The following NEDD4L variants were observed in gnomAD, a reference collection of about 807,000 sequenced individuals.
The protein encoded by NEDD4L is NEDD4 like E3 ubiquitin protein ligase, also known as E3 ubiquitin-protein ligase NEDD4-like.
A neutral mutation model predicts 148.9 loss-of-function variants in NEDD4L; 54 were observed. That is an observed-to-expected ratio of 0.36 (90% confidence interval 0.29 to 0.45). The LOEUF (loss-of-function observed/expected upper bound fraction) is 0.45, where lower values mean the gene tolerates loss of function less well. Among genes scored for constraint, NEDD4L ranks in the 20% least tolerant of loss-of-function variants. NEDD4L has a pLI of 1.00. For synonymous variants in NEDD4L, 433 were observed against 440.7 expected (o/e 0.98, Z 0.22); for missense variants, 856 against 1,233.8 (o/e 0.69, Z 4.59).
At chr18:58,290,975 C>G (rs1480323177) in intron 5 of NEDD4L, among the ~76,000 whole-genome samples, 1 of 152,170 alleles carries the variant, frequency 6.6e-6, no homozygotes. Flanking sequence ...GGCAGGCATT[C>G]GGATCCACAG....
intron 5 of NEDD4L, among the ~76,000 whole-genome samples, chr18:58,286,714 A>G (rs2053955740): frequency 6.6e-6 from 1 of 152,212 alleles, no homozygotes; most frequent in Non-Finnish European, 1.5e-5. Context: ...TCCATAGCAC[A>G]CAGTAGTGCT....
chr18:58,157,576 A>G (rs1050284847), intron 1 of NEDD4L, among the ~76,000 whole-genome samples: 2 of 152,052 alleles, frequency 1.3e-5, no homozygotes, highest in Non-Finnish European at 2.9e-5. Flanking sequence ...TAAATTTCAT[A>G]CTTACAAATG....
At chr18:58,219,515 T>C (rs2043505970) in intron 2 of NEDD4L, among the ~76,000 whole-genome samples, 1 of 152,198 alleles carries the variant, frequency 6.6e-6, no homozygotes, top group South Asian at 2.1e-4. Flanking sequence ...ACAAATTTGT[T>C]TTCTCAGGGC....
At chr18:58,183,485 C>T (rs1369521360) in intron 2 of NEDD4L, among the ~76,000 whole-genome samples, 2 of 152,220 alleles carry the variant, frequency 1.3e-5, no homozygotes, top group Non-Finnish European at 2.9e-5. Flanking sequence ...ATTAATAGGC[C>T]ATGTCCTCTT....
At chr18:58,386,297 C>T (rs1049230113) in intron 26 of NEDD4L, among the ~76,000 whole-genome samples, 4 of 152,114 alleles carry the variant, frequency 2.6e-5, no homozygotes, top group African/African-American at 7.2e-5. Flanking sequence ...ATGATCCACC[C>T]GCCCCGGCCT....
At chr18:58,210,519 G>A (rs192316200) in intron 2 of NEDD4L, among the ~76,000 whole-genome samples, 3 of 152,102 alleles carry the variant, frequency 2.0e-5, no homozygotes, top group African/African-American at 7.2e-5. Flanking sequence ...TGCGATCTCG[G>A]CTCACTGCAA....
intron 1 of NEDD4L, among the ~76,000 whole-genome samples, chr18:58,117,937 A>G (rs2085962865): frequency 1.3e-5 from 2 of 152,140 alleles, no homozygotes; most frequent in South Asian, 4.1e-4. Context: ...GCTCTGCTTT[A>G]TTCAGGCATT....
At position 58,373,255 on chromosome 18, in the gene NEDD4L, G is replaced by T; in HGVS notation, c.2338G>T (p.Glu780Ter). Reference sequence around the variant, plus strand: ...GGACCTCATGTTCTGCATAGACGAAGAAAACTTTGGACAGGTACATGTGGG... The same window carrying T: ...GGACCTCATGTTCTGCATAGACGAATAAAACTTTGGACAGGTACATGTGGG... ...ELDLMFCIDE[E>*]NFGQTYQVDL... Residue 780 changes from glutamate (E) to a stop codon, truncating the protein, a stop_gained, in exon 24 of 31, where the codon GAA (glutamate) becomes TAA (stop). Coordinates refer to ENST00000400345, the MANE Select transcript of NEDD4L (RefSeq NM_001144967.3). LOFTEE classifies it high-confidence loss of function. 1 of 1,574,822 alleles carries T rather than the reference G, an allele frequency of 6.3e-7. No individual in the cohort carries two copies. Among genetic ancestry groups the T allele is most frequent in the Non-Finnish European group, 8.6e-7 (1 of 1,156,322 alleles).
In NEDD4L at chr18:58,343,103, G is replaced by T; in HGVS notation, c.1575G>T (p.Trp525Cys). 1 of 1,587,334 alleles carries T rather than the reference G, an allele frequency of 6.3e-7. No homozygotes were observed. Among genetic ancestry groups the T allele is most frequent in the Non-Finnish European group, 8.6e-7 (1 of 1,165,712 alleles). ...FIDHNTKTTT[W>C]EDPRLKFPVH... ...ATCATAACACAAAGACTACAACCTG[G>T]GTAAGGCTGCTGCTTTTATTTGGCT... The change falls in exon 16 of 31, where the codon TGG becomes TGT. Residue 525 changes from tryptophan (W) to cysteine (C), a missense_variant and splice_region_variant. Trp to Cys is a radical substitution (Grantham distance 215, BLOSUM62 -2). Coordinates refer to ENST00000400345, the MANE Select transcript of NEDD4L (RefSeq NM_001144967.3).
chr18:58,233,140 C>T (rs1261544292), intron 2 of NEDD4L, among the ~76,000 whole-genome samples: 1 of 152,188 alleles, frequency 6.6e-6, no homozygotes, highest in Non-Finnish European at 1.5e-5. Flanking sequence ...CCTCTTGCTG[C>T]ACAGATATTA....
At chr18:58,369,657 G>C (rs540667860) in intron 22 of NEDD4L, among the ~76,000 whole-genome samples, 2 of 152,224 alleles carry the variant, frequency 1.3e-5, no homozygotes, top group Non-Finnish European at 2.9e-5. Flanking sequence ...TGAAGGAGCA[G>C]AAGCAGGAGC....
chr18:58,285,609 G>T (rs2149035948), intron 5 of NEDD4L, among the ~76,000 whole-genome samples: 1 of 152,322 alleles, frequency 6.6e-6, no homozygotes, highest in South Asian at 2.1e-4. Context: ...ACCAAAGCTA[G>T]CCCAGCCTAA....
At chr18:58,162,615 G>A (rs1464693641) in intron 1 of NEDD4L, among the ~76,000 whole-genome samples, 1 of 149,508 alleles carries the variant, frequency 6.7e-6, no homozygotes, top group Non-Finnish European at 1.5e-5. Flanking sequence ...TCTGTCTTCC[G>A]CCTACTAGAT....
intron 16 of NEDD4L, among the ~76,000 whole-genome samples, chr18:58,344,289 C>T (rs528288059): frequency 5.6e-4 from 85 of 152,274 alleles, no homozygotes; most frequent in Non-Finnish European, 9.6e-4. Context: ...GTCTAGAGGG[C>T]GTGCTCCTAG....
intron 5 of NEDD4L, among the ~76,000 whole-genome samples, chr18:58,300,486 G>T (rs1318696469): frequency 6.6e-6 from 1 of 152,140 alleles, no homozygotes; most frequent in East Asian, 1.9e-4. Flanking sequence ...TAGTAGCTGG[G>T]CTCACAGAAG....
At chr18:58,302,785 CT>C (rs2149270129) in intron 5 of NEDD4L, among the ~76,000 whole-genome samples, 1 of 152,348 alleles carries the variant, frequency 6.6e-6, no homozygotes, top group East Asian at 1.9e-4. Context: ...TTAGCTAGCT[CT>C]TTCCCAGCAA....
At position 58,139,405 on chromosome 18, in the gene NEDD4L, A is replaced by C. The variant is rs566265745; in HGVS notation, c.49-26383A>C. ...TGAACCAAAACTCTGTTTTGCTGGCAGGGAAAAAAATTGGGCTGATACAAT... is the reference window on the plus strand; with the variant it reads ...TGAACCAAAACTCTGTTTTGCTGGCCGGGAAAAAAATTGGGCTGATACAAT... On this transcript the variant is annotated intron_variant, in intron 1 of 30. Transcript: ENST00000400345. 5.3e-5 allele frequency among the ~76,000 whole-genome samples: 8 copies of C among 151,704 alleles called. No homozygotes were observed. In the East Asian group the frequency reaches 1.6e-3, roughly 29 times the overall value.
At chr18:58,178,927 T>C (rs2038493656) in intron 2 of NEDD4L, among the ~76,000 whole-genome samples, 1 of 152,156 alleles carries the variant, frequency 6.6e-6, no homozygotes, top group Non-Finnish European at 1.5e-5. Flanking sequence ...CGTTTCAAGT[T>C]TGGGAGTGGC....
chr18:58,392,314 C>T (rs1049301235), intron 30 of NEDD4L, among the ~76,000 whole-genome samples: 16 of 152,220 alleles, frequency 1.1e-4, no homozygotes, highest in Admixed American at 1.3e-4. Context: ...TTCTGGAAAA[C>T]GGTGAGCAGC....
Sources: gnomAD v4.1 joint callset for allele counts (sites outside exome capture counted in the v4.1 genomes callset) on GRCh38, gnomAD v4.1.1 for gene constraint, MANE v1.5 for transcripts, NCBI Gene and HGNC (gene_info 2026-07-23, HGNC 2026-07-21) for gene names.